Variants in IL34 observed in about 807,000 individuals in gnomAD.
IL34 encodes interleukin-34.
Under a neutral mutation model 25.3 loss-of-function variants are expected in IL34, and 17 were observed. That is an observed-to-expected ratio of 0.67 (90% CI 0.46 to 1.01). IL34 has a LOEUF of 1.01. IL34 is among the 50% of genes least tolerant of loss of function. The probability of loss-of-function intolerance (pLI) is 0.00; values close to 1 mark genes in which losing one functional copy is unlikely to be tolerated. For missense variants in IL34, 368 were observed against 312.9 expected (o/e 1.18, Z -1.33); for synonymous variants, 174 against 140.9 (o/e 1.23, Z -1.66).
chr16:70,642,859 C>G (rs899053135), upstream of IL34, among the ~76,000 whole-genome samples: 1 of 149,504 alleles, frequency 6.7e-6, no homozygotes, highest in Non-Finnish European at 1.5e-5. Context: ...TATGAAATGT[C>G]CAGAATAGGC....
chr16:70,634,599 G>C (rs549389200), intron 1 of IL34, among the ~76,000 whole-genome samples: 1 of 151,566 alleles, frequency 6.6e-6, no homozygotes, highest in Admixed American at 6.6e-5. Context: ...AGAATTCCTT[G>C]AACCCAGGAG....
chr16:70,624,764 T>C (rs1045631660), intron 1 of IL34, among the ~76,000 whole-genome samples: 4 of 150,682 alleles, frequency 2.7e-5, no homozygotes, highest in Non-Finnish European at 5.9e-5. Flanking sequence ...GGAGGGGAGG[T>C]GATAAAAGGA....
intron 1 of IL34, among the ~76,000 whole-genome samples, chr16:70,637,305 T>C (rs1266644165): frequency 1.3e-5 from 2 of 152,190 alleles, no homozygotes; most frequent in Admixed American, 1.3e-4. Context: ...GATTTTGTCC[T>C]AGAAGTTTTA....
At position 70,641,310 on chromosome 16, in the gene IL34, C is replaced by G. The variant is rs181181099; in HGVS notation, c.-400-5238C>G. 1.2e-3 allele frequency among the ~76,000 whole-genome samples: 185 copies of G among 152,102 alleles called. 3 individuals are homozygous for G. The highest frequency in any genetic ancestry group is 1.9e-3 in the South Asian group (9 of 4,814). On this transcript the variant is annotated intron_variant, in intron 1 of 6. Transcript: ENST00000429149. ...AGAAAATGTTATGCCTACACAAAAA[C>G]TTGCACATGGATTTTCATAGCCATA...
At chr16:70,629,781 C>T (rs1902563) in intron 1 of IL34, among the ~76,000 whole-genome samples, 12,390 of 151,522 alleles carry the variant, frequency 0.082, 1,634 homozygotes, top group African/African-American at 0.28. Flanking sequence ...TATTTTGATA[C>T]GGGAATTCAA....
chr16:70,645,923 C>T (rs2051915610), upstream of IL34, among the ~76,000 whole-genome samples: 1 of 152,116 alleles, frequency 6.6e-6, no homozygotes, highest in African/African-American at 2.4e-5. Flanking sequence ...CATGGTAGTG[C>T]ACATCTGTAA....
At chr16:70,608,816 C>T (rs1030474715) in intron 1 of IL34, among the ~76,000 whole-genome samples, 9 of 152,136 alleles carry the variant, frequency 5.9e-5, no homozygotes, top group Admixed American at 2.0e-4. Flanking sequence ...CTCAGCCTCA[C>T]GCCTCAGTCT....
intron 4 of IL34, among the ~76,000 whole-genome samples, chr16:70,659,292 A>C (rs2052317133): frequency 6.6e-6 from 1 of 152,234 alleles, no homozygotes; most frequent in Admixed American, 6.5e-5. Context: ...TCCCCAGGTC[A>C]GGGGGTCCTC....
intron 1 of IL34, among the ~76,000 whole-genome samples, chr16:70,603,384 A>G (rs2050949571): frequency 6.6e-6 from 1 of 152,058 alleles, no homozygotes; most frequent in South Asian, 2.1e-4. Flanking sequence ...GATTCAAGCG[A>G]TTCTCCTGCC....
At position 70,612,587 on chromosome 16, in the gene IL34, C is replaced by T. The variant is rs78753232; in HGVS notation, c.-401+32538C>T. 2.5e-3 allele frequency among the ~76,000 whole-genome samples: 374 copies of T among 152,340 alleles called. 2 individuals carry two copies. Among genetic ancestry groups the T allele is most frequent in the African/African-American group, 8.5e-3 (352 of 41,570 alleles). On this transcript the variant is annotated intron_variant, in intron 1 of 6. Transcript: ENST00000429149. The stretch of plus-strand genomic sequence containing the variant: ...AAAGATTGTCAGCTCAGAACCCTCC[C>T]AGAAGCAATGCATCCTGAAAAGAAA...
In IL34 at chr16:70,646,607, CCA is replaced by C. The variant is rs2051936460; in HGVS notation, c.-340_-339del. 2.8e-6 allele frequency: 1 copy of C among 351,106 alleles called. No individual in the cohort carries two copies. Among genetic ancestry groups the C allele is most frequent in the African/African-American group, 2.1e-5 (1 of 47,302 alleles). The allele number at this position is 351,106 out of a possible 1,614,324, so 21.7% of individuals were successfully genotyped here. A position where few individuals can be genotyped will look rare whatever the true frequency, so the allele number is the denominator to read the frequency against. ...AAATCAGAGAAAGCGTCACCCAGCC[CCA>C]GATTCCGAGGGGCCTGCCAGGGACT... On this transcript the variant is annotated 5_prime_UTR_variant, in exon 1 of 6. Coordinates refer to ENST00000288098, the MANE Select transcript of IL34 (RefSeq NM_001393494.1).
chr16:70,587,731 C>CA (rs111712524), intron 1 of IL34, among the ~76,000 whole-genome samples: 3,515 of 142,660 alleles, frequency 0.025, 67 homozygotes, highest in African/African-American at 0.048. Flanking sequence ...TGGCTGCTAT[C>CA]AAAAAAAAAA....
intron 1 of IL34, 167 bp from the exon 2 acceptor site, chr16:70,654,371 C>T (rs1035057170): frequency 1.7e-5 from 15 of 868,692 alleles, no homozygotes; most frequent in Admixed American, 8.7e-5. Context: ...TGTTCTGGAG[C>T]CAGACCCCAG....
At chr16:70,610,031 G>A (rs1026977821) in intron 1 of IL34, among the ~76,000 whole-genome samples, 4 of 152,066 alleles carry the variant, frequency 2.6e-5, no homozygotes, top group Non-Finnish European at 4.4e-5. Flanking sequence ...CGGCGAAACC[G>A]TCTCTACTAA....
At chr16:70,630,809 G>T (rs1283927270) in intron 1 of IL34, among the ~76,000 whole-genome samples, 1 of 152,256 alleles carries the variant, frequency 6.6e-6, no homozygotes. Context: ...CTGGGTTCAA[G>T]TGATCCTCTG....
chr16:70,609,537 A>G (rs1483113546), intron 1 of IL34, among the ~76,000 whole-genome samples: 8 of 151,442 alleles, frequency 5.3e-5, no homozygotes, highest in African/African-American at 1.9e-4. Flanking sequence ...CACTGTGCAG[A>G]TCAAGCAACA....
chr16:70,644,174 C>A (rs565656570), upstream of IL34, among the ~76,000 whole-genome samples: 11 of 152,084 alleles, frequency 7.2e-5, no homozygotes, highest in Non-Finnish European at 1.5e-4. Context: ...AGGGTTTCAC[C>A]ATGTTGGCCA....
At chr16:70,637,138 G>T (rs1265957365) in intron 1 of IL34, among the ~76,000 whole-genome samples, 1 of 151,906 alleles carries the variant, frequency 6.6e-6, no homozygotes, top group Non-Finnish European at 1.5e-5. Flanking sequence ...GGGATTACAG[G>T]TGTGAGCTGC....
intron 1 of IL34, among the ~76,000 whole-genome samples, chr16:70,613,837 G>A (rs140239308): frequency 0.031 from 4,574 of 149,526 alleles, 254 homozygotes; most frequent in African/African-American, 0.11. Context: ...TTGCGCCACT[G>A]TACTCCAGCC....
Sources: gnomAD v4.1 joint callset for allele counts (sites outside exome capture counted in the v4.1 genomes callset) on GRCh38, gnomAD v4.1.1 for gene constraint, MANE v1.5 for transcripts, NCBI Gene and HGNC (gene_info 2026-07-23, HGNC 2026-07-21) for gene names.